CHD9: variants seen among roughly 807,000 people sequenced by gnomAD.
CHD9 encodes chromodomain helicase DNA binding protein 9, also known as ATP-dependent chromatin remodeler CHD9.
In CHD9, 77 loss-of-function variants were observed where a neutral mutation model predicts 316.1. The observed-to-expected ratio is 0.24, with a 90% CI of 0.20 to 0.29. The LOEUF is 0.29. CHD9 is among the 10% of genes least tolerant of loss of function. CHD9 has a pLI of 1.00. For synonymous variants in CHD9, 1,129 were observed against 1,158.3 expected (o/e 0.97, Z 0.51); for missense variants, 2,763 against 3,438.1 (o/e 0.80, Z 4.91).
chr16:53,200,993 C>T (rs2045406241), intron 2 of CHD9, among the ~76,000 whole-genome samples: 1 of 152,116 alleles, frequency 6.6e-6, no homozygotes, highest in South Asian at 2.1e-4. Flanking sequence ...TTCACAAGAG[C>T]CCTATTAGAT....
At chr16:53,118,218 A>G (rs577250106) in intron 1 of CHD9, among the ~76,000 whole-genome samples, 139 of 152,164 alleles carry the variant, frequency 9.1e-4, no homozygotes, top group South Asian at 5.2e-3. Flanking sequence ...GGAGTTTGAG[A>G]CCAGCATGGC....
At position 53,157,292 on chromosome 16, in the gene CHD9, C is replaced by T. The variant is rs778311204; in HGVS notation, c.1203C>T (p.Phe401=). The change falls in exon 2 of 39, where the codon TTC becomes TTT. Residue 401 remains phenylalanine, a synonymous_variant. Transcript: ENST00000447540. ...AAGTGGAATCTCAAACTGAGCCATT[C>T]ACAGGACTTGACCCCGAGGACCTCC... The part of the protein sequence containing the change: ...LHQVESQTEP[F]TGLDPEDLLQ... 9.3e-6 allele frequency: 15 copies of T among 1,610,848 alleles called. No homozygotes were observed. The highest frequency in any genetic ancestry group is 4.4e-5 in the South Asian group (4 of 90,620).
chr16:53,211,609 A>T (rs931210424), intron 3 of CHD9, among the ~76,000 whole-genome samples: 4 of 152,126 alleles, frequency 2.6e-5, no homozygotes, highest in Admixed American at 6.5e-5. Flanking sequence ...GGCCTTTTTG[A>T]TAGAAGAATT....
intron 23 of CHD9, 31 bp from the exon 24 acceptor site, chr16:53,274,182 A>T: frequency 7.5e-7 from 1 of 1,339,756 alleles, no homozygotes; most frequent in Non-Finnish European, 1.1e-6. Flanking sequence ...GAATGTCTTT[A>T]TGCCTTTGAT....
chr16:53,106,796 A>G (rs951296355), intron 1 of CHD9, among the ~76,000 whole-genome samples: 4 of 152,240 alleles, frequency 2.6e-5, no homozygotes, highest in Non-Finnish European at 5.9e-5. Context: ...GAAGAGGAAT[A>G]GATCTTATCC....
chr16:53,245,379 T>C lies in CHD9; in HGVS notation c.3098T>C (p.Val1033Ala), dbSNP rs1487102702. The change falls in exon 14 of 39, where the codon GTT becomes GCT. Residue 1033 changes from valine to alanine, a missense_variant. Physicochemically the swap from Val to Ala is moderately conservative, Grantham distance 64 (BLOSUM62 0). Coordinates refer to ENST00000447540, the MANE Select transcript of CHD9 (RefSeq NM_001308319.2). This position sits in a 1 kb window ranked among gnomAD's most constrained non-coding sequence, Gnocchi z 4.1. ...ACTGGCACCCCTCTCCAAAATACAGTTGAAGAACTATTTAGTCTTCTTCAC... is the reference window on the plus strand; with the variant it reads ...ACTGGCACCCCTCTCCAAAATACAGCTGAAGAACTATTTAGTCTTCTTCAC... ...LLTGTPLQNTVEELFSLLHFL... is the reference protein window; with the variant it reads ...LLTGTPLQNTAEELFSLLHFL... 1 of 1,579,484 alleles carries C rather than the reference T, an allele frequency of 6.3e-7. No individual in the cohort carries two copies. Among genetic ancestry groups the C allele is most frequent in the Admixed American group, 1.9e-5 (1 of 52,930 alleles).
Position 53,209,484 on chromosome 16 carries a change from T to G in CHD9, c.1455T>G (p.Pro485=), listed in dbSNP as rs756378063. Residue 485 remains proline (P), a splice_region_variant and synonymous_variant, in exon 3 of 39, where the codon CCT becomes CCG. Transcript: ENST00000447540. ...DRNHLCLQRQ[P]PSSKKSDGSG... ...AAAAAATATTTTTGTTTCTGTAGCC[T>G]CCATCTTCCAAGAAGAGCGATGGTT... 3.0e-5 allele frequency: 47 copies of G among 1,592,108 alleles called. No individual in the cohort carries two copies. Among genetic ancestry groups the G allele is most frequent in the Non-Finnish European group, 3.8e-5 (45 of 1,169,748 alleles).
At chr16:53,108,101 G>A (rs2037513979) in intron 1 of CHD9, among the ~76,000 whole-genome samples, 1 of 152,148 alleles carries the variant, frequency 6.6e-6, no homozygotes, top group Non-Finnish European at 1.5e-5. Context: ...TAATTTGAGG[G>A]TAAGACCTTT....
At chr16:53,314,545 C>T in intron 35 of CHD9, 29 bp downstream of exon 35, 1 of 1,504,000 alleles carries the variant, frequency 6.6e-7, no homozygotes, top group Non-Finnish European at 8.9e-7. Context: ...AAAAACTGAT[C>T]CTTGAATTCA....
At chr16:53,265,788 CAG>C (rs1242403146) in intron 20 of CHD9, among the ~76,000 whole-genome samples, 1 of 151,960 alleles carries the variant, frequency 6.6e-6, no homozygotes, top group Non-Finnish European at 1.5e-5. Flanking sequence ...CTATACAAGA[CAG>C]AATTATGTAA....
rs950775489 is a variant in CHD9, at chr16:53,304,083, C to T, written c.6077C>T (p.Ser2026Phe). 14 of 1,613,890 alleles carry T rather than the reference C, an allele frequency of 8.7e-6. No individual in the cohort carries two copies. The highest frequency in any genetic ancestry group is 2.2e-5 in the East Asian group (1 of 44,898). The change falls in exon 31 of 39, where the codon TCT becomes TTT. Residue 2026 changes from serine to phenylalanine, a missense_variant. Ser to Phe is a radical substitution (Grantham distance 155, BLOSUM62 -2). Transcript: ENST00000447540. ...LQQYQVALSA[S>F]PLTSLPRLLD... is the part of the protein sequence containing the mutation. ...CAATATCAAGTAGCACTTTCTGCTTCTCCTCTTACCTCTCTACCTAGGCTC... is the reference window on the plus strand; with the variant it reads ...CAATATCAAGTAGCACTTTCTGCTTTTCCTCTTACCTCTCTACCTAGGCTC...
At position 53,324,212 on chromosome 16, in the gene CHD9, A is replaced by G; in HGVS notation, c.8011A>G (p.Thr2671Ala). 1.2e-6 allele frequency: 2 copies of G among 1,604,002 alleles called. No individual in the cohort carries two copies. The highest frequency in any genetic ancestry group is 1.7e-6 in the Non-Finnish European group (2 of 1,175,230). ...NGLLPGVDLTTLQALQQNLQN... is the reference protein window; with the variant it reads ...NGLLPGVDLTALQALQQNLQN... ...ACTACTTCCAGGTGTGGATCTCACA[A>G]CTCTTCAGGCCTTACAACAAAACCT... Residue 2671 changes from threonine (T) to alanine (A), a missense_variant, in exon 39 of 39, where the codon ACT becomes GCT. Thr to Ala is a moderately conservative substitution (Grantham distance 58). Transcript: ENST00000447540.
intron 24 of CHD9, among the ~76,000 whole-genome samples, chr16:53,278,068 T>TA (rs1486059802): frequency 6.6e-6 from 1 of 150,672 alleles, no homozygotes; most frequent in Non-Finnish European, 1.5e-5. Flanking sequence ...GAAAGCTCTC[T>TA]ACAAGGAAAA....
chr16:53,087,045 C>T (rs2035522288), intron 1 of CHD9, among the ~76,000 whole-genome samples: 1 of 152,200 alleles, frequency 6.6e-6, no homozygotes, highest in East Asian at 1.9e-4. Flanking sequence ...TACTACGAAA[C>T]TGTCATCACT....
chr16:53,072,147 CTGT>C (rs2034118108), intron 1 of CHD9, among the ~76,000 whole-genome samples: 2 of 152,068 alleles, frequency 1.3e-5, no homozygotes, highest in Non-Finnish European at 2.9e-5. Flanking sequence ...CTGCTGAAGT[CTGT>C]TGTTGTCTTA....
intron 1 of CHD9, among the ~76,000 whole-genome samples, chr16:53,134,230 T>G (rs2039552767): frequency 6.6e-6 from 1 of 152,204 alleles, no homozygotes; most frequent in African/African-American, 2.4e-5. Flanking sequence ...TGTAAGTGCT[T>G]GGAAAACTTC....
intron 1 of CHD9, among the ~76,000 whole-genome samples, chr16:53,064,995 GAA>G (rs1318076603): frequency 6.6e-6 from 1 of 151,352 alleles, no homozygotes; most frequent in Non-Finnish European, 1.5e-5. Flanking sequence ...GAGAGAGAGA[GAA>G]AGAAAAAGAG....
At chr16:53,244,883 C>T (rs1401138710) in intron 13 of CHD9, among the ~76,000 whole-genome samples, 1 of 151,980 alleles carries the variant, frequency 6.6e-6, no homozygotes, top group Non-Finnish European at 1.5e-5. Context: ...AATCCCAGCA[C>T]TTTGGGCTTA....
At chr16:53,063,365 C>CAG (rs1366425260) in intron 1 of CHD9, among the ~76,000 whole-genome samples, 1 of 128,226 alleles carries the variant, frequency 7.8e-6, no homozygotes, top group Non-Finnish European at 1.5e-5. Context: ...ATTTCACACA[C>CAG]ACACACACAC....
Sources: gnomAD v4.1 joint callset for allele counts (sites outside exome capture counted in the v4.1 genomes callset) on GRCh38, gnomAD v4.1.1 for gene constraint, Gnocchi (gnomAD v3.1) non-coding constraint, MANE v1.5 for transcripts, NCBI Gene and HGNC (gene_info 2026-07-23, HGNC 2026-07-21) for gene names.